SLC5A10: variants seen among roughly 807,000 people sequenced by gnomAD.
SLC5A10 encodes sodium/mannose cotransporter SLC5A10.
Under a neutral mutation model 68.9 loss-of-function variants are expected in SLC5A10, and 55 were observed. The observed-to-expected ratio is 0.80, with a 90% CI of 0.64 to 1.00. The LOEUF is 1.00. Ranked by LOEUF, SLC5A10 falls within the 50% of genes least tolerant of loss-of-function variation. SLC5A10 has a pLI of 0.00. For missense variants in SLC5A10, 732 were observed against 819.3 expected, an observed-to-expected ratio of 0.89 and a Z score of 1.30; for synonymous variants, 344 against 344.8, an observed-to-expected ratio of 1.00 and a Z score of 0.02.
At chr17:18,955,128 T>C (rs990354929) in intron 1 of SLC5A10, among the ~76,000 whole-genome samples, 23 of 148,644 alleles carry the variant, frequency 1.5e-4, no homozygotes, top group African/African-American at 5.7e-4. Context: ...GGAAATGTAA[T>C]TGTGTCCAGC....
chr17:19,010,302 C>G (rs1267305022), intron 9 of SLC5A10, among the ~76,000 whole-genome samples: 1 of 152,100 alleles, frequency 6.6e-6, no homozygotes, highest in Non-Finnish European at 1.5e-5. Context: ...GGAGGGGCAA[C>G]CCCTGGCTTC....
intron 9 of SLC5A10, chr17:18,988,113 A>G: frequency 7.5e-7 from 1 of 1,336,648 alleles, no homozygotes; most frequent in Non-Finnish European, 9.9e-7. Context: ...GCTTGGCAGG[A>G]GGCTCTAGGA....
At chr17:19,002,084 C>CA (rs2043743010) in intron 9 of SLC5A10, among the ~76,000 whole-genome samples, 1 of 152,176 alleles carries the variant, frequency 6.6e-6, no homozygotes, top group South Asian at 2.1e-4. Flanking sequence ...GCGGGTCTCT[C>CA]AGTCTGCAAA....
chr17:18,984,364 GC>G (rs1314401642), intron 9 of SLC5A10, among the ~76,000 whole-genome samples: 1 of 146,492 alleles, frequency 6.8e-6, no homozygotes, highest in African/African-American at 2.6e-5. Flanking sequence ...AGAGAACCCT[GC>G]CTTATACCCT....
In SLC5A10 at chr17:18,971,670, G is replaced by A. The variant is rs77608386; in HGVS notation, c.846+452G>A. 48 of 1,611,644 alleles carry A rather than the reference G, an allele frequency of 3.0e-5. No individual in the cohort carries two copies. Among genetic ancestry groups the A allele is most frequent in the South Asian group, 7.7e-5 (7 of 91,006 alleles). On this transcript the variant is annotated intron_variant, in intron 8 of 14. Coordinates refer to ENST00000395645, the MANE Select transcript of SLC5A10 (RefSeq NM_001042450.4). The surrounding 1 kb of genome is among the most constrained non-coding windows in gnomAD (Gnocchi z 5.5). The stretch of plus-strand genomic sequence containing the variant: ...CTCTGGACGCTGTCAGCAGCAGAGC[G>A]GTACCTAGGGGGTCCTGGGAAGCCG...
At chr17:18,954,366 C>T (rs972565493) in intron 1 of SLC5A10, among the ~76,000 whole-genome samples, 1 of 152,194 alleles carries the variant, frequency 6.6e-6, no homozygotes, top group Admixed American at 6.5e-5. Flanking sequence ...CTTGGGCCAC[C>T]AGCCCTTGTT....
chr17:18,983,517 C>G (rs1162046287), intron 9 of SLC5A10, among the ~76,000 whole-genome samples: 3 of 152,182 alleles, frequency 2.0e-5, no homozygotes, highest in Non-Finnish European at 2.9e-5. Flanking sequence ...AGTAGAGGCC[C>G]GGTAGAGCAG....
chr17:18,978,597 C>T (rs199697114), intron 9 of SLC5A10: 67 of 1,613,224 alleles, frequency 4.2e-5, no homozygotes, highest in South Asian at 1.9e-4. Context: ...ATCTCGTCGA[C>T]GCTCTTGGCC....
At chr17:18,961,677 G>C (rs1216285249) in intron 5 of SLC5A10, among the ~76,000 whole-genome samples, 1 of 152,170 alleles carries the variant, frequency 6.6e-6, no homozygotes, top group Admixed American at 6.5e-5. Context: ...TAGAGGCCTC[G>C]CTGGTCAGCC....
chr17:18,985,787 G>C (rs762354465), intron 9 of SLC5A10, among the ~76,000 whole-genome samples: 1 of 152,192 alleles, frequency 6.6e-6, no homozygotes, highest in African/African-American at 2.4e-5. Context: ...CGAGGCGGCT[G>C]AGCAGGGCAG....
At chr17:18,962,972 A>C (rs2469845) in intron 5 of SLC5A10, among the ~76,000 whole-genome samples, 94,634 of 152,082 alleles carry the variant, frequency 0.62, 29,730 homozygotes, top group African/African-American at 0.69. Context: ...AATCCTAGCA[A>C]TTTGGGAGGC....
intron 9 of SLC5A10, among the ~76,000 whole-genome samples, chr17:19,011,682 A>T (rs1315456583): frequency 6.6e-6 from 1 of 151,518 alleles, no homozygotes; most frequent in Non-Finnish European, 1.5e-5. Flanking sequence ...TAATGGGAGG[A>T]GCCAGGGAGG....
chr17:18,985,151 C>T (rs914606271), intron 9 of SLC5A10, among the ~76,000 whole-genome samples: 2 of 152,204 alleles, frequency 1.3e-5, no homozygotes, highest in Admixed American at 6.5e-5. Context: ...CGTCTCATGG[C>T]GGGGCTGTGC....
Position 19,017,608 on chromosome 17 carries a change from G to GC in SLC5A10, c.1242-1811dup, listed in dbSNP as rs1216450341. ...GACCCGCCCCCACTCCCGTATGCCT[G>GC]CCCCAAGCCCCCACACCTCAGTCCA... is the stretch of plus-strand genomic sequence containing the variant. On this transcript the variant is annotated intron_variant, in intron 11 of 14. Coordinates refer to ENST00000395645, the MANE Select transcript of SLC5A10 (RefSeq NM_001042450.4). This position sits in a 1 kb window ranked among gnomAD's most constrained non-coding sequence, Gnocchi z 5.6. 1.8e-6 allele frequency: 1 copy of GC among 542,180 alleles called. No homozygotes were observed. Among genetic ancestry groups the GC allele is most frequent in the Admixed American group, 3.2e-5 (1 of 31,568 alleles). The allele number at this position is 542,180 out of a possible 1,614,324, so 33.6% of individuals were successfully genotyped here.
intron 9 of SLC5A10, among the ~76,000 whole-genome samples, chr17:18,980,659 G>A (rs945295180): frequency 7.9e-5 from 12 of 152,104 alleles, no homozygotes; most frequent in African/African-American, 2.4e-4. Context: ...TGCTGGGCAC[G>A]GCAGACCCCA....
At chr17:18,993,329 CCT>C (rs1807522905) in intron 9 of SLC5A10, among the ~76,000 whole-genome samples, 1 of 152,214 alleles carries the variant, frequency 6.6e-6, no homozygotes, top group South Asian at 2.1e-4. Context: ...CCCAGCCTCC[CCT>C]GTCGTCACTC....
rs769132111 is a variant in SLC5A10 at position 18,971,180 on chromosome 17, C to T, written c.808C>T (p.Leu270=). The change falls in exon 8 of 15, where the codon CTG becomes TTG. Residue 270 remains leucine (L), a synonymous_variant. Transcript: ENST00000395645. This position sits in a 1 kb window ranked among gnomAD's most constrained non-coding sequence, Gnocchi z 5.5. ...GCCGTGGACCGGGATGACCTTTGGC[C>T]TGACCATCATGGCCACCTGGTACTG... ...DLPWTGMTFG[L]TIMATWYWCT... The T allele has an allele frequency of 5.6e-6, 9 of 1,614,066 alleles. No individual in the cohort carries two copies. Among genetic ancestry groups the T allele is most frequent in the South Asian group, 3.3e-5 (3 of 91,084 alleles).
intron 5 of SLC5A10, among the ~76,000 whole-genome samples, chr17:18,967,293 C>T (rs2042730212): frequency 1.3e-5 from 2 of 152,196 alleles, no homozygotes; most frequent in Admixed American, 6.5e-5. Context: ...CCTGCCGTTC[C>T]TGCACCTGCG....
intron 1 of SLC5A10, among the ~76,000 whole-genome samples, chr17:18,953,232 T>C (rs893636000): frequency 2.7e-5 from 4 of 150,746 alleles, no homozygotes; most frequent in African/African-American, 9.7e-5. Context: ...ACCTCCTGGG[T>C]TCAAACAATT....
Sources: allele counts gnomAD v4.1 joint callset (sites outside exome capture counted in the v4.1 genomes callset), GRCh38; gene constraint gnomAD v4.1.1; non-coding constraint Gnocchi (gnomAD v3.1); transcripts MANE v1.5; gene names NCBI Gene and HGNC (gene_info 2026-07-23, HGNC 2026-07-21).